ADGRB1: variants seen among roughly 807,000 people sequenced by gnomAD.
ADGRB1 encodes the protein brain-specific angiogenesis inhibitor 1.
A neutral mutation model predicts 175.7 loss-of-function variants in ADGRB1; 36 were observed. The ratio of observed to expected loss-of-function variants is 0.20; its 90% CI spans 0.16 to 0.27. The LOEUF is 0.27. Ranked by LOEUF, ADGRB1 falls within the 10% of genes least tolerant of loss-of-function variation. ADGRB1 has a pLI of 1.00. For synonymous variants in ADGRB1, 1,054 were observed against 979.4 expected, an observed-to-expected ratio of 1.08 and a Z score of -1.42; for missense variants, 1,731 against 2,255.3, an observed-to-expected ratio of 0.77 and a Z score of 4.71.
At position 142,492,494 on chromosome 8, in the gene ADGRB1, G is replaced by A. The variant is rs1240183349; in HGVS notation, c.2675+1679G>A. Among the ~76,000 whole-genome samples, 1 of 152,194 alleles carries A rather than the reference G, an allele frequency of 6.6e-6. No homozygotes were observed. The highest frequency in any genetic ancestry group is 1.5e-5 in the Non-Finnish European group (1 of 68,040). ...CATGCACGCCTCCGAGGGAAGGGGA[G>A]GTTTCGGCAGAGGCCTGGCAAGCAC... On this transcript the variant is annotated intron_variant, in intron 17 of 30. Transcript: ENST00000517894. This position sits in a 1 kb window ranked among gnomAD's most constrained non-coding sequence, Gnocchi z 4.4.
At chr8:142,513,585 C>T (rs867914309) in intron 18 of ADGRB1, among the ~76,000 whole-genome samples, 2 of 152,070 alleles carry the variant, frequency 1.3e-5, no homozygotes, top group African/African-American at 2.4e-5. Context: ...AGGGCTGATG[C>T]GGGAGGCAGA....
intron 2 of ADGRB1, among the ~76,000 whole-genome samples, chr8:142,469,609 G>A (rs1587272234): frequency 6.8e-6 from 1 of 146,270 alleles, no homozygotes; most frequent in African/African-American, 2.6e-5. Context: ...GCACGTGCAT[G>A]TGTGTGTATG....
intron 17 of ADGRB1, among the ~76,000 whole-genome samples, chr8:142,507,576 C>T (rs1049465389): frequency 2.3e-4 from 35 of 152,350 alleles, no homozygotes; most frequent in Non-Finnish European, 4.0e-4. Flanking sequence ...CCCTGGGGGC[C>T]GGGTGCTGGC....
chr8:142,477,566 G>A lies in ADGRB1; in HGVS notation c.1387+17G>A, dbSNP rs746835522. The stretch of plus-strand genomic sequence containing the variant: ...TGTGCCCTGGTAGGTGAGAGGGAGG[G>A]CGTAGGGGCAGGGAGGAAGGGAAGA... On this transcript the variant is annotated intron_variant, in intron 6 of 30. Coordinates refer to ENST00000517894, the MANE Select transcript of ADGRB1 (RefSeq NM_001702.3). 2 of 1,607,616 alleles carry A rather than the reference G, an allele frequency of 1.2e-6. No homozygotes were observed. Among genetic ancestry groups the A allele is most frequent in the Non-Finnish European group, 1.7e-6 (2 of 1,175,972 alleles).
At position 142,511,144 on chromosome 8, in the gene ADGRB1, C is replaced by T; in HGVS notation, c.2817+71C>T. ...CGGGCGGGGGCTGCCGGCGGGCCTG[C>T]GGGTGGGGAGGGCCCGCACCCGTCC... On this transcript the variant is annotated intron_variant, in intron 18 of 30. Transcript: ENST00000517894. The surrounding 1 kb of genome is among the most constrained non-coding windows in gnomAD (Gnocchi z 4.5). 1.4e-5 allele frequency: 14 copies of T among 1,019,966 alleles called. No individual in the cohort carries two copies. The highest frequency in any genetic ancestry group is 1.7e-5 in the African/African-American group (1 of 57,550). The allele number at this position is 1,019,966 out of a possible 1,614,324, so 63.2% of individuals were successfully genotyped here.
At chr8:142,477,581 G>A (rs765212165) in intron 6 of ADGRB1, 32 bp downstream of exon 6, 11 of 1,596,716 alleles carry the variant, frequency 6.9e-6, no homozygotes, top group African/African-American at 1.3e-5. Flanking sequence ...GGGGCAGGGA[G>A]GAAGGGAAGA....
chr8:142,479,511 G>A (rs769329868), intron 8 of ADGRB1, 24 bp downstream of exon 8: 8 of 1,524,340 alleles, frequency 5.2e-6, no homozygotes, highest in Non-Finnish European at 6.1e-6. Context: ...TACCTGGGCT[G>A]GGCTCTGGGG....
chr8:142,515,351 C>G (rs903132673), intron 18 of ADGRB1, among the ~76,000 whole-genome samples: 2 of 152,238 alleles, frequency 1.3e-5, no homozygotes, highest in African/African-American at 4.8e-5. Flanking sequence ...GCCCAGGCCA[C>G]CGCCCATCCC....
In ADGRB1 at chr8:142,469,456, T is replaced by TGTGA. The variant is rs533604554; in HGVS notation, c.784+4477_784+4478insAGTG. Among the ~76,000 whole-genome samples the TGTGA allele has an allele frequency of 2.7e-3, 397 of 145,078 alleles. 5 individuals are homozygous for TGTGA. Among genetic ancestry groups the TGTGA allele is most frequent in the African/African-American group, 9.9e-3 (379 of 38,436 alleles). On this transcript the variant is annotated intron_variant, in intron 2 of 30. Coordinates refer to ENST00000517894, the MANE Select transcript of ADGRB1 (RefSeq NM_001702.3). The stretch of plus-strand genomic sequence containing the variant: ...GAATGAGTGTGTGCACGTGCGTGAA[T>TGTGA]GTGTGTATGCACGTGCATGTGTGAG...
intron 7 of ADGRB1, chr8:142,479,051 G>A (rs141034247): frequency 4.0e-5 from 15 of 376,662 alleles, no homozygotes; most frequent in East Asian, 1.3e-4. Flanking sequence ...TGGGGTGGCC[G>A]TGGGGTAGTA....
At chr8:142,521,016 G>A in intron 20 of ADGRB1, 91 bp downstream of exon 20, 1 of 1,288,680 alleles carries the variant, frequency 7.8e-7, no homozygotes, top group East Asian at 2.4e-5. Context: ...GGGATCCCTG[G>A]GAAACTCAGG....
chr8:142,489,881 A>C (rs1474951724), intron 16 of ADGRB1, among the ~76,000 whole-genome samples: 1 of 152,100 alleles, frequency 6.6e-6, no homozygotes, highest in Non-Finnish European at 1.5e-5. Flanking sequence ...GTCCCCCCAG[A>C]ACTCCCTGGC....
Position 142,544,682 on chromosome 8 carries a change from G to A in ADGRB1, c.*265G>A, listed in dbSNP as rs1167199176. ...CGCCCTCCTCGGGCCGAGGCCCAGCGGGCAGATGGGCGGACGGCTGTGGAC... is the reference window on the plus strand; with the variant it reads ...CGCCCTCCTCGGGCCGAGGCCCAGCAGGCAGATGGGCGGACGGCTGTGGAC... On this transcript the variant is annotated 3_prime_UTR_variant, in exon 31 of 31. Transcript: ENST00000517894. 6 of 340,822 alleles carry A rather than the reference G, an allele frequency of 1.8e-5. No individual in the cohort carries two copies. Among genetic ancestry groups the A allele is most frequent in the East Asian group, 5.2e-5 (1 of 19,062 alleles). 21.1% of individuals were successfully genotyped at this position (340,822 alleles called of 1,614,324 possible).
intron 21 of ADGRB1, 130 bp downstream of exon 21, chr8:142,522,245 T>C (rs1843894735): frequency 2.3e-6 from 3 of 1,316,580 alleles, no homozygotes; most frequent in African/African-American, 1.5e-5. Flanking sequence ...TTGGGTGGGC[T>C]TCCCCCTCTG....
intron 15 of ADGRB1, 88 bp from the exon 16 acceptor site, chr8:142,489,248 C>T (rs963516787): frequency 7.7e-6 from 12 of 1,562,348 alleles, no homozygotes; most frequent in South Asian, 4.5e-5. Flanking sequence ...GCGGCGGGTA[C>T]AGGGGCCCTC....
intron 30 of ADGRB1, 28 bp from the exon 31 acceptor site, chr8:142,544,192 C>T: frequency 1.3e-6 from 2 of 1,546,608 alleles, no homozygotes; most frequent in South Asian, 1.2e-5. Context: ...CGGGCCCCAC[C>T]CCTCCTGCAC....
chr8:142,488,359 C>A lies in ADGRB1; in HGVS notation c.2309-5C>A. 1 of 1,612,980 alleles carries A rather than the reference C, an allele frequency of 6.2e-7. No individual in the cohort carries two copies. The highest frequency in any genetic ancestry group is 8.5e-7 in the Non-Finnish European group (1 of 1,179,794). ...TGTCTCTCCCGCCTTTGACCCTGCT[C>A]CCAGTTCTCAGCATCCATAAGCTCC... On this transcript the variant is annotated splice_polypyrimidine_tract_variant and splice_region_variant and intron_variant, in intron 13 of 30. Transcript: ENST00000517894.
At position 142,491,912 on chromosome 8, in the gene ADGRB1, G is replaced by C. The variant is rs532451835; in HGVS notation, c.2675+1097G>C. Among the ~76,000 whole-genome samples, 20 of 152,276 alleles carry C rather than the reference G, an allele frequency of 1.3e-4. No individual in the cohort carries two copies. The South Asian group carries it at 3.9e-3, about 30-fold the overall frequency. On this transcript the variant is annotated intron_variant, in intron 17 of 30. Transcript: ENST00000517894. ...AGGGAGAGGGAGGCAGGTGGCTCAG[G>C]AGGAGACAGCTGGAGCAAGGGCAGG...
At chr8:142,488,740 A>T (rs1841827724) in intron 14 of ADGRB1, among the ~76,000 whole-genome samples, 2 of 152,154 alleles carry the variant, frequency 1.3e-5, no homozygotes, top group Non-Finnish European at 1.5e-5. Flanking sequence ...AGGGACAGGG[A>T]GTCACGTGTC....
Sources: allele counts gnomAD v4.1 joint callset (sites outside exome capture counted in the v4.1 genomes callset), GRCh38; gene constraint gnomAD v4.1.1; non-coding constraint Gnocchi (gnomAD v3.1); transcripts MANE v1.5; gene names NCBI Gene and HGNC (gene_info 2026-07-23, HGNC 2026-07-21).